The following GRIK2 variants were observed in gnomAD, a reference collection of about 807,000 sequenced individuals.
GRIK2 encodes the protein glutamate ionotropic receptor kainate type subunit 2.
Under a neutral mutation model 100.3 loss-of-function variants are expected in GRIK2, and 32 were observed. The ratio of observed to expected loss-of-function variants is 0.32; its 90% confidence interval spans 0.24 to 0.43. The LOEUF (loss-of-function observed/expected upper bound fraction) is 0.43. GRIK2 is among the 20% of genes least tolerant of loss of function. GRIK2 has a pLI of 1.00. For synonymous variants in GRIK2, 417 were observed against 389.4 expected, an observed-to-expected ratio of 1.07 and a Z score of -0.83; for missense variants, 843 against 1,114.9, an observed-to-expected ratio of 0.76 and a Z score of 3.47.
chr6:101,418,947 G>T (rs1274605210), intron 2 of GRIK2, among the ~76,000 whole-genome samples: 2 of 152,078 alleles, frequency 1.3e-5, no homozygotes, highest in African/African-American at 4.8e-5. Context: ...TTATTGAGTA[G>T]GCTGTTAATA....
intron 14 of GRIK2, among the ~76,000 whole-genome samples, chr6:102,032,373 A>G (rs986752643): frequency 1.6e-4 from 24 of 151,214 alleles, no homozygotes; most frequent in African/African-American, 5.8e-4. Flanking sequence ...ATTATCTACG[A>G]GAGGGGAGGG....
At chr6:101,845,804 C>T (rs1214837561) in intron 10 of GRIK2, among the ~76,000 whole-genome samples, 1 of 152,088 alleles carries the variant, frequency 6.6e-6, no homozygotes, top group Non-Finnish European at 1.5e-5. Flanking sequence ...TCTATTTTCT[C>T]TATATCCTCA....
chr6:101,808,768 G>T, intron 9 of GRIK2, among the ~76,000 whole-genome samples: 1 of 151,862 alleles, frequency 6.6e-6, no homozygotes, highest in East Asian at 1.9e-4. Flanking sequence ...TTGAAAAATA[G>T]AAAGGATAAA....
At chr6:101,639,411 A>G (rs990646384) in intron 4 of GRIK2, among the ~76,000 whole-genome samples, 3 of 152,120 alleles carry the variant, frequency 2.0e-5, no homozygotes, top group African/African-American at 7.2e-5. Flanking sequence ...TTTAATCCAG[A>G]TAGGATCTAG....
intron 2 of GRIK2, among the ~76,000 whole-genome samples, chr6:101,402,886 G>A (rs1263791031): frequency 6.6e-6 from 1 of 152,220 alleles, no homozygotes; most frequent in Non-Finnish European, 1.5e-5. Context: ...CCCAGGATAG[G>A]GTGAAGGCGG....
At chr6:101,794,458 C>A (rs896912017) in intron 7 of GRIK2, among the ~76,000 whole-genome samples, 1 of 151,834 alleles carries the variant, frequency 6.6e-6, no homozygotes, top group African/African-American at 2.4e-5. Flanking sequence ...GTGTTTATAT[C>A]AAAGGTTATT....
intron 14 of GRIK2, among the ~76,000 whole-genome samples, chr6:101,999,732 G>C (rs956389070): frequency 6.6e-6 from 1 of 152,010 alleles, no homozygotes; most frequent in Non-Finnish European, 1.5e-5. Context: ...AGTAAGAAAA[G>C]ATGTATTTTC....
chr6:101,575,384 A>T (rs1427950598), intron 2 of GRIK2, among the ~76,000 whole-genome samples: 2 of 152,010 alleles, frequency 1.3e-5, no homozygotes, highest in Non-Finnish European at 2.9e-5. Context: ...TCTGAAAAAA[A>T]GGTTTATTTA....
intron 7 of GRIK2, among the ~76,000 whole-genome samples, chr6:101,735,071 T>C (rs1313362251): frequency 6.6e-6 from 1 of 152,174 alleles, no homozygotes; most frequent in African/African-American, 2.4e-5. Flanking sequence ...TTACCACAAA[T>C]GAAGAAAGAA....
intron 2 of GRIK2, among the ~76,000 whole-genome samples, chr6:101,421,371 C>T (rs72957617): frequency 0.038 from 5,772 of 152,208 alleles, 149 homozygotes; most frequent in Non-Finnish European, 0.058. Context: ...TTTACTCGCA[C>T]GGAAGAAAGA....
chr6:101,598,592 T>TAAAAAAAAAAAAAAAAAAAAAAA (rs75603851), intron 2 of GRIK2, among the ~76,000 whole-genome samples: 1 of 82,392 alleles, frequency 1.2e-5, no homozygotes, highest in Non-Finnish European at 2.4e-5. Context: ...TCTTCCTTAA[T>TAAAAAAAAAAAAAAAAAAAAAAA]AAAAAAAAAA....
chr6:101,707,141 T>C (rs963760119), intron 7 of GRIK2, among the ~76,000 whole-genome samples: 1 of 151,708 alleles, frequency 6.6e-6, no homozygotes, highest in African/African-American at 2.4e-5. Flanking sequence ...AAATCAAATC[T>C]CAAAACATAT....
intron 10 of GRIK2, among the ~76,000 whole-genome samples, chr6:101,853,631 G>A (rs1342470744): frequency 6.6e-6 from 1 of 152,106 alleles, no homozygotes; most frequent in Admixed American, 6.6e-5. Context: ...ACAAAAACCA[G>A]CACATGGATG....
At chr6:101,441,105 G>T (rs1770024281) in intron 2 of GRIK2, among the ~76,000 whole-genome samples, 1 of 151,710 alleles carries the variant, frequency 6.6e-6, no homozygotes, top group Non-Finnish European at 1.5e-5. Flanking sequence ...AAGCTTCCTA[G>T]AGCACTGGGA....
At chr6:101,596,159 A>G (rs763229771) in intron 2 of GRIK2, among the ~76,000 whole-genome samples, 1 of 149,208 alleles carries the variant, frequency 6.7e-6, no homozygotes, top group Non-Finnish European at 1.5e-5. Context: ...CCACCAAGAC[A>G]TTATCAGTGG....
intron 2 of GRIK2, among the ~76,000 whole-genome samples, chr6:101,584,100 C>A (rs1265236138): frequency 6.6e-6 from 1 of 151,818 alleles, no homozygotes; most frequent in Non-Finnish European, 1.5e-5. Context: ...TAATATTTTT[C>A]TGTTAAAGAA....
chr6:102,060,609 G>C (rs1191721969), intron 16 of GRIK2, among the ~76,000 whole-genome samples: 1 of 150,626 alleles, frequency 6.6e-6, no homozygotes, highest in Non-Finnish European at 1.5e-5. Context: ...TAAGGTATAG[G>C]AATGCAAACA....
chr6:101,518,087 A>G (rs1774678368), intron 2 of GRIK2, among the ~76,000 whole-genome samples: 1 of 140,780 alleles, frequency 7.1e-6, no homozygotes, highest in Non-Finnish European at 1.6e-5. Context: ...GCTATTATGA[A>G]TGTTTTGAGA....
chr6:101,495,750 G>T (rs940591526), intron 2 of GRIK2, among the ~76,000 whole-genome samples: 8 of 151,704 alleles, frequency 5.3e-5, no homozygotes, highest in African/African-American at 1.9e-4. Flanking sequence ...CTCAAACAGG[G>T]TATATTGGAG....
Sources: allele counts gnomAD v4.1 joint callset (sites outside exome capture counted in the v4.1 genomes callset), GRCh38; gene constraint gnomAD v4.1.1; transcripts MANE v1.5; gene names NCBI Gene and HGNC (gene_info 2026-07-23, HGNC 2026-07-21).